The following CXXC4 variants were observed in gnomAD, a reference collection of about 807,000 sequenced individuals.
CXXC4 encodes the protein CXXC-type zinc finger protein 4.
Under a neutral mutation model 20.5 loss-of-function variants are expected in CXXC4, and 5 were observed. That is an observed-to-expected ratio of 0.24 (90% CI 0.13 to 0.51). CXXC4 has a LOEUF of 0.51. CXXC4 is among the 20% of genes least tolerant of loss of function. CXXC4 has a pLI of 0.97. For missense variants in CXXC4, 419 were observed against 496.4 expected (o/e 0.84, Z 1.48); for synonymous variants, 250 against 216.4 (o/e 1.16, Z -1.36).
At chr4:104,488,871 A>G (rs1451836744) in intron 2 of CXXC4, among the ~76,000 whole-genome samples, 4 of 152,196 alleles carry the variant, frequency 2.6e-5, no homozygotes, top group African/African-American at 7.2e-5. Context: ...CATATCTTAA[A>G]TTGGGATGCA....
intron 2 of CXXC4, among the ~76,000 whole-genome samples, chr4:104,478,318 C>T (rs1736468066): frequency 6.6e-6 from 1 of 152,066 alleles, no homozygotes; most frequent in South Asian, 2.1e-4. Flanking sequence ...GGAAAGATGA[C>T]TTTATACATT....
At chr4:104,493,972 T>C (rs1736974278) in intron 1 of CXXC4, among the ~76,000 whole-genome samples, 1 of 152,162 alleles carries the variant, frequency 6.6e-6, no homozygotes, top group Non-Finnish European at 1.5e-5. Context: ...TTAACGTCCC[T>C]TTTTTAGAGT....
chr4:104,470,374 C>T lies in CXXC4; in HGVS notation c.*1948G>A, dbSNP rs895069943. 15 of 152,042 alleles carry T rather than the reference C, an allele frequency of 9.9e-5. No individual in the cohort carries two copies. Among genetic ancestry groups the T allele is most frequent in the African/African-American group, 2.6e-4 (11 of 41,516 alleles). 9.4% of individuals were successfully genotyped at this position (152,042 alleles called of 1,614,324 possible). On this transcript the variant is annotated 3_prime_UTR_variant, in exon 3 of 3. Transcript: ENST00000394767. ...ACACATCATGAGTTTTTCTTGAAAA[C>T]GCTTGTTGACCATAACTGTGGACCA...
chr4:104,472,172 C>CTTTTT lies in CXXC4; in HGVS notation c.*145_*149dup, dbSNP rs34493088. The CTTTTT allele has an allele frequency of 2.7e-5, 10 of 368,200 alleles. 2 individuals carry two copies. Among genetic ancestry groups the CTTTTT allele is most frequent in the South Asian group, 9.9e-5 (1 of 10,128 alleles). 22.8% of individuals were successfully genotyped at this position (368,200 alleles called of 1,614,324 possible). ...TTATGTCTTTTTCTTTTCTTTTCCTCTTTTTTTTTTTTTTTGAAGAAAGCC... is the reference window on the plus strand; with the variant it reads ...TTATGTCTTTTTCTTTTCTTTTCCTCTTTTTTTTTTTTTTTTTTTTGAAGAAAGCC... On this transcript the variant is annotated 3_prime_UTR_variant, in exon 3 of 3. Transcript: ENST00000394767.
chr4:104,487,720 TAATG>T (rs1736734585), intron 2 of CXXC4, among the ~76,000 whole-genome samples: 1 of 152,172 alleles, frequency 6.6e-6, no homozygotes, highest in Non-Finnish European at 1.5e-5. Context: ...GTAATTGACT[TAATG>T]AACAGTGGTT....
intron 1 of CXXC4, among the ~76,000 whole-genome samples, chr4:104,492,574 G>A (rs1481607102): frequency 6.6e-6 from 1 of 152,106 alleles, no homozygotes; most frequent in African/African-American, 2.4e-5. Flanking sequence ...CAATACATCC[G>A]AGTATAAACT....
intron 2 of CXXC4, among the ~76,000 whole-genome samples, chr4:104,487,310 T>C (rs190202536): frequency 1.1e-4 from 16 of 152,256 alleles, no homozygotes; most frequent in Admixed American, 3.3e-4. Flanking sequence ...ATAAATCAAC[T>C]AATGGTAGAG....
intron 1 of CXXC4, among the ~76,000 whole-genome samples, chr4:104,492,504 G>T (rs1208123772): frequency 6.6e-6 from 1 of 152,068 alleles, no homozygotes; most frequent in East Asian, 1.9e-4. Context: ...GTAGAAAACA[G>T]CAATGGCCCT....
intron 2 of CXXC4, among the ~76,000 whole-genome samples, chr4:104,487,981 C>T (rs1047759302): frequency 6.6e-6 from 1 of 151,940 alleles, no homozygotes; most frequent in Non-Finnish European, 1.5e-5. Flanking sequence ...AGTTTTCTCA[C>T]CCTGAAAAAA....
chr4:104,484,266 A>T (rs953988920), intron 2 of CXXC4, among the ~76,000 whole-genome samples: 1 of 152,022 alleles, frequency 6.6e-6, no homozygotes, highest in Non-Finnish European at 1.5e-5. Flanking sequence ...CTTATTGATG[A>T]GGAAATAAAG....
At chr4:104,483,494 T>C (rs551309996) in intron 2 of CXXC4, among the ~76,000 whole-genome samples, 3 of 152,076 alleles carry the variant, frequency 2.0e-5, no homozygotes, top group South Asian at 2.1e-4. Context: ...TAAAAAATAT[T>C]CTGTTTTTAG....
At chr4:104,472,440 C>T (rs1736300382) in intron 2 of CXXC4, 74 bp from the exon 3 acceptor site, 11 of 1,040,030 alleles carry the variant, frequency 1.1e-5, no homozygotes, top group Admixed American at 2.1e-5. Context: ...TTCTCCTTTA[C>T]ACTTCAGCAA....
At position 104,485,977 on chromosome 4, in the gene CXXC4, C is replaced by T. The variant is rs574903933; in HGVS notation, c.1059+4767G>A. On this transcript the variant is annotated intron_variant, in intron 2 of 2. Coordinates refer to ENST00000394767, the MANE Select transcript of CXXC4 (RefSeq NM_025212.4). ...CTTTTATTTCTTTCATCACTAGATA[C>T]ACTTTTCAGAAACCTAAAGTTTATT... Among the ~76,000 whole-genome samples the T allele has an allele frequency of 8.5e-5, 13 of 152,184 alleles. 1 individual carries two copies. In the South Asian group the frequency reaches 2.7e-3, roughly 32 times the overall value.
chr4:104,492,015 T>G lies in CXXC4; in HGVS notation c.-213A>C. ...GGGGCTCATTTCCACAGACGGTGAA[T>G]TCCCAGGCAGCGTCTTCCTTTGCAT... On this transcript the variant is annotated 5_prime_UTR_variant, in exon 2 of 3. Transcript: ENST00000394767. 1 of 383,056 alleles carries G rather than the reference T, an allele frequency of 2.6e-6. No homozygotes were observed. Among genetic ancestry groups the G allele is most frequent in the Non-Finnish European group, 4.6e-6 (1 of 215,866 alleles). The allele number at this position is 383,056 out of a possible 1,614,324, so 23.7% of individuals were successfully genotyped here. A position where few individuals can be genotyped will look rare whatever the true frequency, so the allele number is the denominator to read the frequency against.
At chr4:104,490,710 G>C (rs367843323) in intron 2 of CXXC4, 34 bp downstream of exon 2, 1 of 1,553,034 alleles carries the variant, frequency 6.4e-7, no homozygotes, top group African/African-American at 1.4e-5. Flanking sequence ...AGGGAAGGGG[G>C]GAGACTGGGA....
chr4:104,470,015 G>T lies in CXXC4; in HGVS notation c.*2307C>A, dbSNP rs1431556252. The T allele has an allele frequency of 6.6e-6, 1 of 151,882 alleles. No individual in the cohort carries two copies. The highest frequency in any genetic ancestry group is 1.5e-5 in the Non-Finnish European group (1 of 67,924). 9.4% of individuals were successfully genotyped at this position (151,882 alleles called of 1,614,324 possible). On this transcript the variant is annotated 3_prime_UTR_variant, in exon 3 of 3. Coordinates refer to ENST00000394767, the MANE Select transcript of CXXC4 (RefSeq NM_025212.4). ...GGTTATTGTATGCCTACTGTAGCCT[G>T]AATAGAAGTTTGTTTCACTTCTGTA...
intron 2 of CXXC4, among the ~76,000 whole-genome samples, chr4:104,484,692 T>C (rs1287949958): frequency 1.3e-5 from 2 of 152,006 alleles, no homozygotes; most frequent in Admixed American, 6.6e-5. Flanking sequence ...TTTCTCATAA[T>C]GTTTTAGAGT....
chr4:104,479,606 G>A (rs1465314585), intron 2 of CXXC4, among the ~76,000 whole-genome samples: 1 of 152,126 alleles, frequency 6.6e-6, no homozygotes, highest in African/African-American at 2.4e-5. Context: ...GAACTACTGA[G>A]AGGAATTTAG....
chr4:104,474,027 AT>A (rs1736344739), intron 2 of CXXC4, among the ~76,000 whole-genome samples: 1 of 151,990 alleles, frequency 6.6e-6, no homozygotes, highest in African/African-American at 2.4e-5. Context: ...TACTAAAATA[AT>A]TTTTTAAAAG....
Sources: gnomAD v4.1 joint callset for allele counts (sites outside exome capture counted in the v4.1 genomes callset) on GRCh38, gnomAD v4.1.1 for gene constraint, MANE v1.5 for transcripts, NCBI Gene and HGNC (gene_info 2026-07-23, HGNC 2026-07-21) for gene names.